SLC6A12: variants seen among roughly 807,000 people sequenced by gnomAD.
SLC6A12 encodes the protein sodium- and chloride-dependent betaine transporter.
In SLC6A12, 50 loss-of-function variants were observed where a neutral mutation model predicts 73.3. The observed-to-expected ratio is 0.68, with a 90% CI of 0.54 to 0.86. The LOEUF (loss-of-function observed/expected upper bound fraction) is 0.86. Ranked by LOEUF, SLC6A12 falls within the 40% of genes least tolerant of loss-of-function variation. The pLI is 0.00. For missense variants in SLC6A12, 648 were observed against 772.8 expected (o/e 0.84, Z 1.92); for synonymous variants, 304 against 309.2 (o/e 0.98, Z 0.18).
At chr12:200,244 G>A (rs1195184277) in intron 7 of SLC6A12, among the ~76,000 whole-genome samples, 78 of 150,748 alleles carry the variant, frequency 5.2e-4, no homozygotes, top group African/African-American at 1.7e-3. Flanking sequence ...GCATAGCTGG[G>A]ACTACAGGTG....
chr12:202,531 C>T (rs1940325537), intron 5 of SLC6A12, among the ~76,000 whole-genome samples: 1 of 152,200 alleles, frequency 6.6e-6, no homozygotes, highest in African/African-American at 2.4e-5. Context: ...AATACAGTCC[C>T]TCTGGGTTCT....
At chr12:200,258 A>ACCTG (rs1940163261) in intron 7 of SLC6A12, among the ~76,000 whole-genome samples, 2 of 148,904 alleles carry the variant, frequency 1.3e-5, no homozygotes, top group African/African-American at 5.0e-5. Context: ...ACAGGTGCCC[A>ACCTG]CCACCACGCC....
intron 13 of SLC6A12, among the ~76,000 whole-genome samples, chr12:194,992 T>C (rs1348402844): frequency 6.6e-6 from 1 of 152,240 alleles, no homozygotes; most frequent in Non-Finnish European, 1.5e-5. Flanking sequence ...GATCATTCTC[T>C]CACTGTTGAA....
At chr12:201,662 C>A (rs963011343) in intron 6 of SLC6A12, 100 bp downstream of exon 6, 2 of 932,274 alleles carry the variant, frequency 2.1e-6, no homozygotes, top group East Asian at 4.8e-5. Flanking sequence ...TGCTGGAAAG[C>A]ACACACAGAA....
At chr12:203,756 GAGGGGCCGGGGCGGCGCTGGGTGGAGA>G (rs1940447001) in intron 4 of SLC6A12, 1 of 152,384 alleles carries the variant, frequency 6.6e-6, no homozygotes, top group Non-Finnish European at 1.5e-5. Context: ...CTGTCTGGGA[GAGGGGCCGGGGCGGCGCTGGGTGGAGA>G]AGGGGCTCGC....
Position 190,979 on chromosome 12 carries a change from G to A in SLC6A12, c.*89C>T, listed in dbSNP as rs1212764310. 8.2e-5 allele frequency: 93 copies of A among 1,127,712 alleles called. No homozygotes were observed. The highest frequency in any genetic ancestry group is 1.0e-4 in the Non-Finnish European group (90 of 884,624). 69.9% of individuals were successfully genotyped at this position (1,127,712 alleles called of 1,614,324 possible). A position where few individuals can be genotyped will look rare whatever the true frequency, so the allele number is the denominator to read the frequency against. On this transcript the variant is annotated 3_prime_UTR_variant, in exon 16 of 16. Coordinates refer to ENST00000684302, the MANE Select transcript of SLC6A12 (RefSeq NM_001122848.3). Reference sequence around the variant, plus strand: ...GAGGTTCCCAGCAGGATTGTGGCAGGAGACAGAGGCAGAGGCTGTCCGCTG... The same window carrying A: ...GAGGTTCCCAGCAGGATTGTGGCAGAAGACAGAGGCAGAGGCTGTCCGCTG...
In SLC6A12 at chr12:196,790, A is replaced by T. The variant is rs748265978; in HGVS notation, c.1168T>A (p.Phe390Ile). The change falls in exon 11 of 16, where the codon TTC (phenylalanine) becomes ATC (isoleucine). Residue 390 changes from phenylalanine to isoleucine, a missense_variant. By Grantham distance (21) the Phe-to-Ile change is conservative. Transcript: ENST00000684302. The stretch of plus-strand genomic sequence containing the variant: ...CGTACCTGGCTGTCCAGCCCTAGGA[A>T]TATGAGCATGATAAAGAACAGGCAG... ...WSCLFFIMLI[F>I]LGLDSQFVCV... 6.2e-7 allele frequency: 1 copy of T among 1,613,262 alleles called. No individual in the cohort carries two copies. Among genetic ancestry groups the T allele is most frequent in the Non-Finnish European group, 8.5e-7 (1 of 1,179,386 alleles).
intron 6 of SLC6A12, 144 bp downstream of exon 6, chr12:201,618 G>T: frequency 1.5e-6 from 1 of 667,116 alleles, no homozygotes; most frequent in Non-Finnish European, 2.7e-6. Context: ...CTGCCTCAGT[G>T]ATGTGTGGGG....
intron 7 of SLC6A12, among the ~76,000 whole-genome samples, chr12:200,348 T>G (rs1044943555): frequency 6.6e-6 from 1 of 152,048 alleles, no homozygotes; most frequent in East Asian, 1.9e-4. Context: ...GACCTCGTGA[T>G]CCGCCAGCCT....
rs1416133837 is a variant in SLC6A12, at chr12:200,767, T to G, written c.595A>C (p.Ile199Leu). Residue 199 changes from isoleucine to leucine, a missense_variant, in exon 7 of 16, where the codon ATC (isoleucine) becomes CTC (leucine). By Grantham distance (5) the Ile-to-Leu change is conservative. Transcript: ENST00000684302. The stretch of plus-strand genomic sequence containing the variant: ...CCCAGGTCATGGATGCCCGAGGTGA[T>G]GCCCAGAACTCGTCTCCTGGAGGAT... ...MEFWERRVLG[I>L]TSGIHDLGSL... 6.2e-7 allele frequency: 1 copy of G among 1,613,772 alleles called. No individual in the cohort carries two copies. Among genetic ancestry groups the G allele is most frequent in the Non-Finnish European group, 8.5e-7 (1 of 1,179,930 alleles).
chr12:200,858 G>A, intron 6 of SLC6A12, 75 bp from the exon 7 acceptor site: 1 of 1,482,778 alleles, frequency 6.7e-7, no homozygotes, highest in Non-Finnish European at 9.2e-7. Flanking sequence ...CAAGTCTCCT[G>A]ATTCTCAGAG....
At chr12:185,563 C>A (rs1939416600), downstream of SLC6A12, among the ~76,000 whole-genome samples, 1 of 152,234 alleles carries the variant, frequency 6.6e-6, no homozygotes, top group African/African-American at 2.4e-5. Context: ...TCCGGCTAGA[C>A]TCTTGTTATA....
downstream of SLC6A12, among the ~76,000 whole-genome samples, chr12:189,129 G>C (rs973693043): frequency 6.6e-6 from 1 of 152,214 alleles, no homozygotes; most frequent in African/African-American, 2.4e-5. Flanking sequence ...AGCACCGACG[G>C]GTGCCGCGGC....
chr12:200,539 A>G, intron 7 of SLC6A12, 112 bp downstream of exon 7: 1 of 1,214,812 alleles, frequency 8.2e-7, no homozygotes, highest in South Asian at 1.5e-5. Context: ...TGCCCTGCTC[A>G]GGAAGTGTAG....
rs1006568616 is a variant in SLC6A12, at chr12:191,658, G to A, written c.1702-447C>T. Among the ~76,000 whole-genome samples, 94 of 152,010 alleles carry A rather than the reference G, an allele frequency of 6.2e-4. 1 individual carries two copies. The highest frequency in any genetic ancestry group is 2.9e-4 in the Non-Finnish European group (20 of 68,012). On this transcript the variant is annotated intron_variant, in intron 15 of 15. Coordinates refer to ENST00000684302, the MANE Select transcript of SLC6A12 (RefSeq NM_001122848.3). ...TTCTTCTTATCAGTGGTACTGCTAC[G>A]ACTGTTGGTGGTGGTGGTGGTGGTG... is the stretch of plus-strand genomic sequence containing the variant.
intron 5 of SLC6A12, among the ~76,000 whole-genome samples, 168 bp downstream of exon 5, chr12:202,572 G>T (rs967114191): frequency 6.6e-6 from 1 of 152,206 alleles, no homozygotes; most frequent in Admixed American, 6.5e-5. Flanking sequence ...CGAGTGGCTG[G>T]CCTGAGGGCC....
At chr12:188,313 C>G (rs1017828162), downstream of SLC6A12, among the ~76,000 whole-genome samples, 1 of 152,190 alleles carries the variant, frequency 6.6e-6, no homozygotes, top group Admixed American at 6.5e-5. Flanking sequence ...CAGCTGCTGG[C>G]CCAGGTGCTA....
downstream of SLC6A12, among the ~76,000 whole-genome samples, chr12:187,614 AAAAAAAAAAAAAAAAAAC>A (rs1565461346): frequency 8.1e-3 from 123 of 15,242 alleles, 6 homozygotes; most frequent in Middle Eastern, 0.045. Flanking sequence ...AAAAAAAAAA[AAAAAAAAAAAAAAAAAAC>A]AAACCACACA....
chr12:193,256 G>A (rs767347103), intron 14 of SLC6A12, 21 bp downstream of exon 14: 1 of 1,549,200 alleles, frequency 6.5e-7, no homozygotes, highest in Admixed American at 1.7e-5. Context: ...AGGAATAGAG[G>A]GGCAGCTGGT....
Sources: allele counts gnomAD v4.1 joint callset (sites outside exome capture counted in the v4.1 genomes callset), GRCh38; gene constraint gnomAD v4.1.1; transcripts MANE v1.5; gene names NCBI Gene and HGNC (gene_info 2026-07-23, HGNC 2026-07-21).